Variants in ANKRD11 observed in about 807,000 individuals in gnomAD.
ANKRD11 encodes ankyrin repeat domain 11.
A neutral mutation model predicts 195.7 loss-of-function variants in ANKRD11; 17 were observed. The ratio of observed to expected loss-of-function variants is 0.09; its 90% CI spans 0.06 to 0.13. The LOEUF is 0.13. Among genes scored for constraint, ANKRD11 ranks in the 10% least tolerant of loss-of-function variants. The pLI, the probability that ANKRD11 is intolerant of heterozygous loss-of-function variation, is 1.00. For synonymous variants in ANKRD11, 1,953 were observed against 1,528.1 expected (o/e 1.28, Z -6.49); for missense variants, 3,735 against 3,566.1 (o/e 1.05, Z -1.21).
rs1288224594 is a variant in ANKRD11, at chr16:89,490,552, G to A, written c.-452C>T. On this transcript the variant is annotated 5_prime_UTR_variant, in exon 1 of 13. Transcript: ENST00000301030. ...CTCGGTCCATCGCGCACCGTCTCAG[G>A]GCGGCCTCTGGCTCCAGGACCCAGC... The A allele has an allele frequency of 7.1e-6, 3 of 424,900 alleles. No individual in the cohort carries two copies. The highest frequency in any genetic ancestry group is 2.1e-5 in the African/African-American group (1 of 48,244). The allele number at this position is 424,900 out of a possible 1,614,324, so 26.3% of individuals were successfully genotyped here. A position where few individuals can be genotyped will look rare whatever the true frequency, so the allele number is the denominator to read the frequency against.
intron 1 of ANKRD11, among the ~76,000 whole-genome samples, chr16:89,445,126 C>A (rs760952625): frequency 1.5e-4 from 23 of 152,258 alleles, no homozygotes; most frequent in Non-Finnish European, 1.0e-4. Context: ...CTCTCCACGG[C>A]AGGCCCACCT....
intron 1 of ANKRD11, chr16:89,489,291 A>C (rs940186630): frequency 2.6e-5 from 4 of 152,328 alleles, no homozygotes; most frequent in African/African-American, 9.7e-5. Flanking sequence ...CCAGGGGATG[A>C]TGAAATGAGG....
At chr16:89,304,931 G>A (rs1180659999) in intron 4 of ANKRD11, among the ~76,000 whole-genome samples, 6 of 152,276 alleles carry the variant, frequency 3.9e-5, no homozygotes, top group East Asian at 1.9e-4. Flanking sequence ...CCCATACCTC[G>A]CCCAGGGCTG....
chr16:89,411,407 G>A (rs985219945), intron 2 of ANKRD11, among the ~76,000 whole-genome samples: 4 of 152,184 alleles, frequency 2.6e-5, no homozygotes, highest in African/African-American at 9.7e-5. Flanking sequence ...CTGTCGAGAT[G>A]GTCTACATTT....
At chr16:89,340,679 T>C (rs1161483611) in intron 2 of ANKRD11, among the ~76,000 whole-genome samples, 1 of 152,182 alleles carries the variant, frequency 6.6e-6, no homozygotes, top group Non-Finnish European at 1.5e-5. Context: ...AAAGAGACAA[T>C]ATAATTAACA....
intron 2 of ANKRD11, among the ~76,000 whole-genome samples, chr16:89,375,346 C>G (rs2040375836): frequency 1.3e-5 from 2 of 152,222 alleles, no homozygotes; most frequent in South Asian, 2.1e-4. Context: ...CCCAGCTACT[C>G]AGAAGGCTGA....
intron 1 of ANKRD11, among the ~76,000 whole-genome samples, chr16:89,475,673 A>G (rs993153095): frequency 6.6e-6 from 1 of 152,190 alleles, no homozygotes; most frequent in African/African-American, 2.4e-5. Context: ...AACAATTACA[A>G]TCAAAATTCT....
intron 4 of ANKRD11, among the ~76,000 whole-genome samples, chr16:89,293,295 G>C (rs538585445): frequency 1.3e-5 from 2 of 152,194 alleles, no homozygotes; most frequent in African/African-American, 4.8e-5. Flanking sequence ...CCTGGGAGCA[G>C]ACGGCATCTC....
chr16:89,381,354 A>AAAAAAAAAAAAAAAAAG (rs1555560066), intron 2 of ANKRD11, among the ~76,000 whole-genome samples: 5 of 125,336 alleles, frequency 4.0e-5, no homozygotes, highest in African/African-American at 1.6e-4. Flanking sequence ...AAAAAAAAAA[A>AAAAAAAAAAAAAAAAAG]GGGGTGAGAA....
chr16:89,463,125 G>T (rs1275601802), intron 1 of ANKRD11, among the ~76,000 whole-genome samples: 2 of 151,864 alleles, frequency 1.3e-5, no homozygotes, highest in African/African-American at 4.8e-5. Context: ...CGCCCCTACT[G>T]GGAAGTGAGG....
At chr16:89,450,777 G>T (rs1232708404) in intron 1 of ANKRD11, among the ~76,000 whole-genome samples, 1 of 152,072 alleles carries the variant, frequency 6.6e-6, no homozygotes, top group Admixed American at 6.6e-5. Flanking sequence ...GATTACAGGC[G>T]TGAGCCACCA....
intron 2 of ANKRD11, among the ~76,000 whole-genome samples, chr16:89,359,537 C>T (rs888970677): frequency 6.6e-6 from 1 of 152,210 alleles, no homozygotes; most frequent in African/African-American, 2.4e-5. Context: ...CTTGTTCCGG[C>T]CCTGCAGTCT....
chr16:89,479,502 G>A (rs1248095810), intron 1 of ANKRD11, among the ~76,000 whole-genome samples: 6 of 152,002 alleles, frequency 3.9e-5, no homozygotes, highest in Admixed American at 3.3e-4. Context: ...GGGCTTGGTA[G>A]CACATGCCTG....
chr16:89,409,826 C>A (rs1261240494), intron 2 of ANKRD11, among the ~76,000 whole-genome samples: 1 of 145,920 alleles, frequency 6.9e-6, no homozygotes, highest in Non-Finnish European at 1.5e-5. Context: ...CAATTTCAAT[C>A]TAAATTTATT....
At chr16:89,479,942 CAA>C (rs1184052902) in intron 1 of ANKRD11, among the ~76,000 whole-genome samples, 16 of 73,308 alleles carry the variant, frequency 2.2e-4, no homozygotes, top group Admixed American at 4.7e-4. Flanking sequence ...GACTCCATCT[CAA>C]AAAAAAAAAA....
rs534717601 is a variant in ANKRD11 at position 89,353,782 on chromosome 16, G to A, written c.-59-36704C>T. On this transcript the variant is annotated intron_variant, in intron 2 of 12. Coordinates refer to ENST00000301030, the MANE Select transcript of ANKRD11 (RefSeq NM_013275.6). ...GGCGTGAGCCACTACGCCCGAACTG[G>A]TCACATATCTTATGGAACATAATGT... 2.0e-5 allele frequency among the ~76,000 whole-genome samples: 3 copies of A among 152,296 alleles called. No homozygotes were observed. The South Asian group carries it at 6.2e-4, about 32-fold the overall frequency.
intron 1 of ANKRD11, among the ~76,000 whole-genome samples, chr16:89,439,841 G>C (rs964409693): frequency 1.3e-5 from 2 of 152,210 alleles, no homozygotes; most frequent in Non-Finnish European, 1.5e-5. Context: ...AGAGCCAGCT[G>C]TAAGCTCAAC....
chr16:89,322,951 C>A, intron 2 of ANKRD11: 2 of 250,968 alleles, frequency 8.0e-6, no homozygotes, highest in Non-Finnish European at 7.9e-6. Flanking sequence ...TCAAGCTATC[C>A]GCTCACTTGA....
chr16:89,476,728 C>T (rs923203761), intron 1 of ANKRD11, among the ~76,000 whole-genome samples: 1 of 152,228 alleles, frequency 6.6e-6, no homozygotes, highest in Non-Finnish European at 1.5e-5. Context: ...ACTACACTTC[C>T]AGCAAAGAGA....
Sources: allele counts gnomAD v4.1 joint callset (sites outside exome capture counted in the v4.1 genomes callset), GRCh38; gene constraint gnomAD v4.1.1; transcripts MANE v1.5; gene names NCBI Gene and HGNC (gene_info 2026-07-23, HGNC 2026-07-21).